The following PALLD variants were observed in gnomAD, a reference collection of about 807,000 sequenced individuals.
PALLD encodes palladin, cytoskeletal associated protein.
In PALLD, 61 loss-of-function variants were observed where a neutral mutation model predicts 123.5. The ratio of observed to expected loss-of-function variants is 0.49; its 90% CI spans 0.40 to 0.61. The LOEUF (loss-of-function observed/expected upper bound fraction) is 0.61, where lower values mean the gene tolerates loss of function less well. PALLD is among the 20% of genes least tolerant of loss of function. PALLD has a pLI of 0.00. For synonymous variants in PALLD, 465 were observed against 496.4 expected, an observed-to-expected ratio of 0.94 and a Z score of 0.84; for missense variants, 1,273 against 1,377.0, an observed-to-expected ratio of 0.92 and a Z score of 1.20.
At chr4:168,853,598 G>A (rs1204909810) in intron 10 of PALLD, among the ~76,000 whole-genome samples, 1 of 152,114 alleles carries the variant, frequency 6.6e-6, no homozygotes, top group African/African-American at 2.4e-5. Context: ...AAGGCTAAAT[G>A]GGAGACAGAG....
chr4:168,588,431 T>C (rs1483097507), intron 2 of PALLD, among the ~76,000 whole-genome samples: 1 of 151,574 alleles, frequency 6.6e-6, no homozygotes, highest in Non-Finnish European at 1.5e-5. Context: ...TGAGACAGAG[T>C]CTCACTCTGT....
At chr4:168,710,962 C>T (rs1463894490) in intron 9 of PALLD, among the ~76,000 whole-genome samples, 1 of 149,350 alleles carries the variant, frequency 6.7e-6, no homozygotes, top group Non-Finnish European at 1.5e-5. Context: ...AGGAGCTCTG[C>T]TGGGCTGTGT....
intron 12 of PALLD, 43 bp downstream of exon 12, chr4:168,894,720 T>TC: frequency 6.3e-7 from 1 of 1,594,204 alleles, no homozygotes; most frequent in Non-Finnish European, 8.5e-7. Context: ...ATTTATTCTG[T>TC]CCCCCTTTTC....
At chr4:168,674,176 A>C (rs999190068) in intron 3 of PALLD, among the ~76,000 whole-genome samples, 13 of 152,176 alleles carry the variant, frequency 8.5e-5, no homozygotes, top group African/African-American at 2.9e-4. Context: ...TGGCCTCCCA[A>C]AGTGCTAGAA....
intron 17 of PALLD, among the ~76,000 whole-genome samples, chr4:168,917,674 A>G (rs1760473867): frequency 6.6e-6 from 1 of 152,184 alleles, no homozygotes; most frequent in Admixed American, 6.5e-5. Flanking sequence ...GTTTCTTCAG[A>G]AAGTAAATCT....
intron 2 of PALLD, among the ~76,000 whole-genome samples, chr4:168,561,029 G>T (rs1258961366): frequency 1.3e-5 from 2 of 152,008 alleles, no homozygotes; most frequent in African/African-American, 4.8e-5. Flanking sequence ...CAAGAGGGAG[G>T]CATTTCAGTG....
At chr4:168,566,963 C>CA (rs779782857) in intron 2 of PALLD, among the ~76,000 whole-genome samples, 1 of 152,120 alleles carries the variant, frequency 6.6e-6, no homozygotes, top group Non-Finnish European at 1.5e-5. Context: ...CCTCAGGAAA[C>CA]ATGTTGTCTT....
intron 2 of PALLD, among the ~76,000 whole-genome samples, chr4:168,652,619 G>C (rs1023678849): frequency 1.3e-5 from 2 of 152,194 alleles, no homozygotes; most frequent in African/African-American, 2.4e-5. Flanking sequence ...GGAAACTTTA[G>C]TACAAAGGAA....
intron 2 of PALLD, among the ~76,000 whole-genome samples, chr4:168,621,984 G>A (rs1485658068): frequency 1.3e-5 from 2 of 152,196 alleles, no homozygotes; most frequent in African/African-American, 2.4e-5. Flanking sequence ...GCGCCAAAAA[G>A]TGGAAGCCAA....
At chr4:168,596,568 A>T (rs1463858676) in intron 2 of PALLD, among the ~76,000 whole-genome samples, 1 of 152,090 alleles carries the variant, frequency 6.6e-6, no homozygotes, top group Non-Finnish European at 1.5e-5. Flanking sequence ...CATCCCAGAG[A>T]GAATAAACAG....
At chr4:168,520,327 CAAA>C (rs1554034658) in intron 2 of PALLD, among the ~76,000 whole-genome samples, 6 of 101,612 alleles carry the variant, frequency 5.9e-5, no homozygotes, top group Admixed American at 1.2e-4. Context: ...ATTCCGTCAC[CAAA>C]AAAAAAAAAA....
At chr4:168,547,566 CAAAA>C (rs11339394) in intron 2 of PALLD, among the ~76,000 whole-genome samples, 4 of 70,930 alleles carry the variant, frequency 5.6e-5, no homozygotes, top group African/African-American at 1.7e-4. Flanking sequence ...TAATAAAATA[CAAAA>C]AAAAAAAAAA....
At chr4:168,593,794 A>G (rs546937685) in intron 2 of PALLD, among the ~76,000 whole-genome samples, 104 of 152,350 alleles carry the variant, frequency 6.8e-4, no homozygotes, top group African/African-American at 2.5e-3. Flanking sequence ...GTAAGTCCCA[A>G]CAACTTGGTT....
At chr4:168,520,508 T>C (rs1763459128) in intron 2 of PALLD, among the ~76,000 whole-genome samples, 1 of 152,090 alleles carries the variant, frequency 6.6e-6, no homozygotes, top group African/African-American at 2.4e-5. Flanking sequence ...TTAACCGCTG[T>C]TTTCATCCAG....
chr4:168,775,178 G>C (rs988187997), intron 10 of PALLD, among the ~76,000 whole-genome samples: 6 of 152,056 alleles, frequency 3.9e-5, no homozygotes, highest in African/African-American at 1.4e-4. Context: ...GAGAGTTCCA[G>C]TTTCTCCACA....
At chr4:168,500,389 G>T (rs1761273243) in intron 1 of PALLD, among the ~76,000 whole-genome samples, 2 of 79,260 alleles carry the variant, frequency 2.5e-5, no homozygotes, top group Non-Finnish European at 5.5e-5. Context: ...TTTGAGTCAG[G>T]GTCTCACTCT....
At chr4:168,556,813 GTC>G (rs1309102633) in intron 2 of PALLD, among the ~76,000 whole-genome samples, 1 of 152,216 alleles carries the variant, frequency 6.6e-6, no homozygotes, top group Non-Finnish European at 1.5e-5. Flanking sequence ...CTGCCCCGAT[GTC>G]TCTTTGCCTC....
At chr4:168,833,538 C>T (rs912146169) in intron 10 of PALLD, among the ~76,000 whole-genome samples, 1 of 152,012 alleles carries the variant, frequency 6.6e-6, no homozygotes, top group African/African-American at 2.4e-5. Flanking sequence ...GTTCATAAGC[C>T]TTGAAAAGCT....
chr4:168,777,656 T>C (rs67998474), intron 10 of PALLD, among the ~76,000 whole-genome samples: 26,526 of 152,060 alleles, frequency 0.17, 2,451 homozygotes, highest in Middle Eastern at 0.23. Context: ...GAGAGCATAC[T>C]GGTTTGTTTT....
Sources: gnomAD v4.1 joint callset for allele counts (sites outside exome capture counted in the v4.1 genomes callset) on GRCh38, gnomAD v4.1.1 for gene constraint, MANE v1.5 for transcripts, NCBI Gene and HGNC (gene_info 2026-07-23, HGNC 2026-07-21) for gene names.